TYW1B: variants seen among roughly 807,000 people sequenced by gnomAD.
TYW1B encodes tRNA-yW synthesizing protein 1 homolog B, also known as S-adenosyl-L-methionine-dependent tRNA 4-demethylwyosine synthase TYW1B.
A neutral mutation model predicts 86.9 loss-of-function variants in TYW1B; 73 were observed. That is an observed-to-expected ratio of 0.84 (90% CI 0.70 to 1.02). TYW1B has a LOEUF of 1.02. Among genes scored for constraint, TYW1B ranks in the 50% least tolerant of loss-of-function variants. TYW1B has a pLI of 0.00. For missense variants in TYW1B, 637 were observed against 827.4 expected (o/e 0.77, Z 2.82); for synonymous variants, 248 against 292.8 (o/e 0.85, Z 1.56).
chr7:72,606,356 A>G (rs1351051903), intron 13 of TYW1B, among the ~76,000 whole-genome samples: 4 of 151,836 alleles, frequency 2.6e-5, no homozygotes, highest in African/African-American at 4.8e-5. Flanking sequence ...GGGAACCTAG[A>G]CTCCCACCTT....
intron 12 of TYW1B, among the ~76,000 whole-genome samples, chr7:72,625,278 A>G (rs1284766616): frequency 6.6e-6 from 1 of 152,128 alleles, no homozygotes; most frequent in East Asian, 1.9e-4. Flanking sequence ...GAATGCAAGG[A>G]CAAAATAGTA....
chr7:72,816,270 G>C (rs577929258), intron 2 of TYW1B, among the ~76,000 whole-genome samples: 142 of 152,094 alleles, frequency 9.3e-4, no homozygotes, highest in South Asian at 9.1e-3. Context: ...CAGCTACTCG[G>C]GAGGCTGAGG....
rs191521279 is a variant in TYW1B, at chr7:72,742,678, A to G, written c.1082+1806T>C. On this transcript the variant is annotated intron_variant, in intron 8 of 13. Coordinates refer to ENST00000620995, the MANE Select transcript of TYW1B (RefSeq NM_001145440.3). ...GTCAATCCCATTAATAACTGATTTC[A>G]TATTTGTAACATTGTCTACTTGCTA... Among the ~76,000 whole-genome samples, 719 of 152,296 alleles carry G rather than the reference A, an allele frequency of 4.7e-3. 5 individuals are homozygous for G. Among genetic ancestry groups the G allele is most frequent in the African/African-American group, 0.016 (664 of 41,560 alleles).
intron 2 of TYW1B, among the ~76,000 whole-genome samples, chr7:72,818,110 C>T (rs1470946762): frequency 2.6e-5 from 4 of 151,194 alleles, no homozygotes; most frequent in African/African-American, 9.7e-5. Context: ...TCTCTCCCTA[C>T]TCCTTTGCTC....
At chr7:72,768,584 G>A (rs1269082965) in intron 7 of TYW1B, among the ~76,000 whole-genome samples, 7 of 151,978 alleles carry the variant, frequency 4.6e-5, no homozygotes, top group African/African-American at 1.7e-4. Flanking sequence ...TCAGGAGATC[G>A]AGACCATCCT....
At chr7:72,611,387 G>A (rs1284628734) in intron 13 of TYW1B, among the ~76,000 whole-genome samples, 9 of 152,078 alleles carry the variant, frequency 5.9e-5, no homozygotes, top group Non-Finnish European at 1.3e-4. Context: ...CACGTATTGT[G>A]GGAAGGACCT....
intron 11 of TYW1B, among the ~76,000 whole-genome samples, chr7:72,652,532 T>C (rs1387205519): frequency 1.3e-5 from 2 of 152,042 alleles, no homozygotes; most frequent in African/African-American, 4.8e-5. Context: ...AAAGACTATA[T>C]TGAATGATTG....
chr7:72,677,425 G>A (rs566221380), intron 11 of TYW1B, among the ~76,000 whole-genome samples: 2 of 152,158 alleles, frequency 1.3e-5, no homozygotes, highest in South Asian at 4.2e-4. Flanking sequence ...TGGGATTACA[G>A]GCGTGAGCCA....
chr7:72,794,074 C>T (rs1381388452), intron 6 of TYW1B, among the ~76,000 whole-genome samples: 1 of 152,192 alleles, frequency 6.6e-6, no homozygotes, highest in African/African-American at 2.4e-5. Flanking sequence ...CAAGTGAGCA[C>T]TGCTGCTAGG....
At chr7:72,590,085 C>G (rs1481206471) in intron 13 of TYW1B, among the ~76,000 whole-genome samples, 1 of 152,182 alleles carries the variant, frequency 6.6e-6, no homozygotes, top group East Asian at 1.9e-4. Flanking sequence ...TACTTTACCC[C>G]ACCCAGACAA....
intron 7 of TYW1B, among the ~76,000 whole-genome samples, chr7:72,754,244 A>T (rs942142606): frequency 2.6e-5 from 4 of 151,830 alleles, no homozygotes; most frequent in Non-Finnish European, 5.9e-5. Flanking sequence ...GGTTCAAGCA[A>T]TTCTTCTGCC....
At chr7:72,674,299 T>A (rs1456879679) in intron 11 of TYW1B, among the ~76,000 whole-genome samples, 1 of 152,232 alleles carries the variant, frequency 6.6e-6, no homozygotes, top group South Asian at 2.1e-4. Context: ...GAGGAAGAAG[T>A]GCATGGTGTG....
chr7:72,782,573 T>G (rs1232177416), intron 6 of TYW1B, among the ~76,000 whole-genome samples: 4 of 152,114 alleles, frequency 2.6e-5, no homozygotes, highest in Non-Finnish European at 4.4e-5. Flanking sequence ...TTCTTATCAA[T>G]TCCTATAGAA....
At chr7:72,606,056 G>A (rs1418635551) in intron 13 of TYW1B, among the ~76,000 whole-genome samples, 3 of 152,154 alleles carry the variant, frequency 2.0e-5, no homozygotes, top group African/African-American at 4.8e-5. Context: ...CTCAAAGGTA[G>A]AGATAAGAAG....
chr7:72,701,732 C>T (rs367754075), intron 10 of TYW1B, among the ~76,000 whole-genome samples: 3 of 152,128 alleles, frequency 2.0e-5, no homozygotes, highest in South Asian at 2.1e-4. Context: ...TTTGTAAATC[C>T]GATATTCATT....
chr7:72,738,915 A>T (rs55967024), intron 8 of TYW1B, among the ~76,000 whole-genome samples: 112,288 of 149,844 alleles, frequency 0.75, 42,608 homozygotes, highest in Non-Finnish European at 0.8. Context: ...TATCAAAAAA[A>T]AAAAAAAATA....
intron 11 of TYW1B, among the ~76,000 whole-genome samples, chr7:72,632,303 G>T (rs1384094719): frequency 1.8e-5 from 1 of 56,516 alleles, no homozygotes; most frequent in African/African-American, 1.5e-4. Flanking sequence ...ATATATACGT[G>T]TATATATATT....
rs73131518 is a variant in TYW1B, at chr7:72,826,970, G to A, written c.20C>T (p.Thr7Ile). 0.16 allele frequency: 250,640 copies of A among 1,608,108 alleles called. 20,991 individuals carry two copies. Among genetic ancestry groups the A allele is most frequent in the Non-Finnish European group, 0.17 (200,762 of 1,176,852 alleles). The change falls in exon 2 of 14, where the codon ACA (threonine) becomes ATA (isoleucine). Residue 7 changes from threonine to isoleucine, a missense_variant. By Grantham distance (89) the Thr-to-Ile change is moderately conservative. Coordinates refer to ENST00000620995, the MANE Select transcript of TYW1B (RefSeq NM_001145440.3). MDPSAD[T>I]WDLSSPLISL... is the part of the protein sequence containing the mutation. ...TATTAAAGGTGAGGAGAGGTCCCAT[G>A]TATCCGCAGAAGGATCTAAATTTAA...
At chr7:72,788,438 T>C (rs1788165198) in intron 6 of TYW1B, among the ~76,000 whole-genome samples, 1 of 152,236 alleles carries the variant, frequency 6.6e-6, no homozygotes, top group Admixed American at 6.5e-5. Context: ...TTTTTTTAGA[T>C]TTTCAAATAC....
Sources: allele counts gnomAD v4.1 joint callset (sites outside exome capture counted in the v4.1 genomes callset), GRCh38; gene constraint gnomAD v4.1.1; transcripts MANE v1.5; gene names NCBI Gene and HGNC (gene_info 2026-07-23, HGNC 2026-07-21).